The following CERS6 variants were observed in gnomAD, a reference collection of about 807,000 sequenced individuals.
The protein encoded by CERS6 is ceramide synthase 6.
CERS6 carries 26 observed loss-of-function variants against 56.8 expected under a neutral mutation model. That is an observed-to-expected ratio of 0.46 (90% CI 0.34 to 0.63). The LOEUF is 0.63. Among genes scored for constraint, CERS6 ranks in the 30% least tolerant of loss-of-function variants. The probability of loss-of-function intolerance (pLI) is 0.01; values close to 1 mark genes in which losing one functional copy is unlikely to be tolerated. For missense variants in CERS6, 415 were observed against 467.5 expected (o/e 0.89, Z 1.04); for synonymous variants, 164 against 173.3 (o/e 0.95, Z 0.42).
chr2:168,538,647 C>G (rs1695310532), intron 1 of CERS6, among the ~76,000 whole-genome samples: 1 of 152,184 alleles, frequency 6.6e-6, no homozygotes, highest in Non-Finnish European at 1.5e-5. Flanking sequence ...TAATCTCCCT[C>G]TGCTAGAATG....
chr2:168,598,710 C>T lies in CERS6; in HGVS notation c.408-32275C>T, dbSNP rs115256219. Among the ~76,000 whole-genome samples, 532 of 152,298 alleles carry T rather than the reference C, an allele frequency of 3.5e-3. 5 individuals are homozygous for T. Among genetic ancestry groups the T allele is most frequent in the African/African-American group, 0.012 (502 of 41,572 alleles). ...CGTAGCTTACAAGATTGTCTTCAAT[C>T]TTCACTTCTGCAATATAGAGCTATC... On this transcript the variant is annotated intron_variant, in intron 3 of 9. Transcript: ENST00000305747.
At chr2:168,685,603 G>T (rs1686327880) in intron 4 of CERS6, among the ~76,000 whole-genome samples, 1 of 152,046 alleles carries the variant, frequency 6.6e-6, no homozygotes, top group Non-Finnish European at 1.5e-5. Flanking sequence ...CAGATTTACT[G>T]ACACTTAAAG....
chr2:168,746,801 A>ATT (rs1559078517), intron 8 of CERS6, among the ~76,000 whole-genome samples: 2 of 109,040 alleles, frequency 1.8e-5, no homozygotes, highest in Admixed American at 1.8e-4. Context: ...ATATATATAT[A>ATT]TATATATATA....
chr2:168,699,546 C>G (rs1031382527), intron 6 of CERS6, among the ~76,000 whole-genome samples: 1 of 152,074 alleles, frequency 6.6e-6, no homozygotes, highest in African/African-American at 2.4e-5. Context: ...ATTGGGTTCA[C>G]GAATTTTTCT....
chr2:168,661,124 A>G (rs1685618888), intron 4 of CERS6, among the ~76,000 whole-genome samples: 1 of 152,216 alleles, frequency 6.6e-6, no homozygotes, highest in Non-Finnish European at 1.5e-5. Context: ...GTTTAGCAGT[A>G]TCTGTGTCCC....
chr2:168,520,930 T>C (rs1406818623), intron 1 of CERS6, among the ~76,000 whole-genome samples: 1 of 152,138 alleles, frequency 6.6e-6, no homozygotes, highest in Non-Finnish European at 1.5e-5. Flanking sequence ...AATTAAATAC[T>C]GTAAATAAAT....
chr2:168,598,647 C>T (rs759780624), intron 3 of CERS6, among the ~76,000 whole-genome samples: 1 of 152,092 alleles, frequency 6.6e-6, no homozygotes, highest in Non-Finnish European at 1.5e-5. Flanking sequence ...AAAAAAAGGT[C>T]CCAATTCCCC....
At chr2:168,688,380 A>G (rs1340750651) in intron 4 of CERS6, among the ~76,000 whole-genome samples, 3 of 150,768 alleles carry the variant, frequency 2.0e-5, no homozygotes, top group African/African-American at 4.9e-5. Flanking sequence ...TCGCGCCACT[A>G]TACTCCAGCC....
At chr2:168,731,442 A>G (rs888852181) in intron 8 of CERS6, among the ~76,000 whole-genome samples, 1 of 152,198 alleles carries the variant, frequency 6.6e-6, no homozygotes, top group African/African-American at 2.4e-5. Flanking sequence ...TGAGTTAACC[A>G]GAGTATTTCC....
chr2:168,566,028 T>G (rs757706985), intron 3 of CERS6, among the ~76,000 whole-genome samples: 3 of 152,172 alleles, frequency 2.0e-5, no homozygotes, highest in Non-Finnish European at 4.4e-5. Context: ...AAATAAGATA[T>G]TAAATATATT....
At chr2:168,704,072 C>T (rs1362176047) in intron 6 of CERS6, among the ~76,000 whole-genome samples, 1 of 152,128 alleles carries the variant, frequency 6.6e-6, no homozygotes, top group Admixed American at 6.5e-5. Context: ...CAAAGGCTGC[C>T]TTCAGTAGTG....
At chr2:168,566,243 A>G (rs998522906) in intron 3 of CERS6, among the ~76,000 whole-genome samples, 2 of 152,190 alleles carry the variant, frequency 1.3e-5, no homozygotes, top group Non-Finnish European at 2.9e-5. Context: ...CTGAAAATCT[A>G]CTCAGTGATT....
intron 3 of CERS6, among the ~76,000 whole-genome samples, chr2:168,598,202 C>T (rs1683847786): frequency 6.6e-6 from 1 of 152,212 alleles, no homozygotes; most frequent in Non-Finnish European, 1.5e-5. Flanking sequence ...GCATCTCAAA[C>T]TGGCATTGAT....
chr2:168,669,019 T>G (rs1246838267), intron 4 of CERS6, among the ~76,000 whole-genome samples: 1 of 152,198 alleles, frequency 6.6e-6, no homozygotes, highest in African/African-American at 2.4e-5. Context: ...TGTTCCTCTC[T>G]AGTACATTAG....
intron 2 of CERS6, among the ~76,000 whole-genome samples, chr2:168,560,907 G>A (rs756778360): frequency 1.3e-4 from 20 of 152,094 alleles, no homozygotes; most frequent in Non-Finnish European, 2.8e-4. Context: ...TTGAATCTTT[G>A]TTGCCCTTAG....
intron 3 of CERS6, among the ~76,000 whole-genome samples, chr2:168,605,059 A>G (rs114154990): frequency 6.6e-6 from 1 of 152,218 alleles, no homozygotes; most frequent in Non-Finnish European, 1.5e-5. Flanking sequence ...TCACAGGAAG[A>G]TGAGGAAAGT....
intron 4 of CERS6, among the ~76,000 whole-genome samples, chr2:168,688,539 T>A (rs1686415872): frequency 6.6e-6 from 1 of 152,170 alleles, no homozygotes; most frequent in Non-Finnish European, 1.5e-5. Flanking sequence ...ATCTATAAAT[T>A]GGGAAAGATA....
chr2:168,590,546 G>C (rs564393625), intron 3 of CERS6, among the ~76,000 whole-genome samples: 2 of 152,218 alleles, frequency 1.3e-5, no homozygotes, highest in East Asian at 3.9e-4. Context: ...CATTATGTAA[G>C]AGTATATAAA....
At chr2:168,624,211 G>C (rs939042904) in intron 3 of CERS6, among the ~76,000 whole-genome samples, 3 of 152,136 alleles carry the variant, frequency 2.0e-5, no homozygotes, top group Middle Eastern at 3.2e-3. Context: ...ACGTTATTTA[G>C]AGAAATGAAG....
Sources: gnomAD v4.1 joint callset for allele counts (sites outside exome capture counted in the v4.1 genomes callset) on GRCh38, gnomAD v4.1.1 for gene constraint, MANE v1.5 for transcripts, NCBI Gene and HGNC (gene_info 2026-07-23, HGNC 2026-07-21) for gene names.